Variants in CACNA2D1 observed in about 807,000 individuals in gnomAD.
CACNA2D1 encodes calcium voltage-gated channel auxiliary subunit alpha2delta 1.
In CACNA2D1, 53 loss-of-function variants were observed where a neutral mutation model predicts 171.5. The observed-to-expected ratio is 0.31, with a 90% confidence interval of 0.25 to 0.39. CACNA2D1 has a LOEUF of 0.39. Ranked by LOEUF, CACNA2D1 falls within the 10% of genes least tolerant of loss-of-function variation. The probability of loss-of-function intolerance (pLI) is 1.00; values close to 1 mark genes in which losing one functional copy is unlikely to be tolerated. For synonymous variants in CACNA2D1, 442 were observed against 443.1 expected (o/e 1.00, Z 0.03); for missense variants, 903 against 1,299.8 (o/e 0.69, Z 4.69).
At chr7:82,040,740 C>T (rs1409976705) in intron 10 of CACNA2D1, among the ~76,000 whole-genome samples, 2 of 152,026 alleles carry the variant, frequency 1.3e-5, no homozygotes, top group African/African-American at 2.4e-5. Context: ...TTTGGGAGGC[C>T]AAGACGGGTG....
intron 11 of CACNA2D1, among the ~76,000 whole-genome samples, chr7:82,034,129 A>G (rs985377951): frequency 1.3e-5 from 2 of 152,112 alleles, no homozygotes; most frequent in African/African-American, 4.8e-5. Flanking sequence ...TAAGTCTTCA[A>G]ACTTCAGTAT....
intron 1 of CACNA2D1, among the ~76,000 whole-genome samples, chr7:82,402,839 T>G (rs953670584): frequency 1.3e-5 from 2 of 151,844 alleles, no homozygotes; most frequent in African/African-American, 2.4e-5. Context: ...AAGTTACGGG[T>G]TTTTTTAAAT....
intron 3 of CACNA2D1, among the ~76,000 whole-genome samples, chr7:82,313,602 C>G (rs544390860): frequency 2.0e-5 from 3 of 152,328 alleles, no homozygotes; most frequent in Admixed American, 2.0e-4. Flanking sequence ...GCTCCTACTC[C>G]TTCCATAACC....
At chr7:82,032,035 C>G (rs1189821224) in intron 12 of CACNA2D1, among the ~76,000 whole-genome samples, 1 of 151,938 alleles carries the variant, frequency 6.6e-6, no homozygotes, top group Non-Finnish European at 1.5e-5. Flanking sequence ...AGTATTCTTA[C>G]AAAATGTGGA....
chr7:82,398,824 C>T (rs1826024721), intron 1 of CACNA2D1, among the ~76,000 whole-genome samples: 1 of 152,036 alleles, frequency 6.6e-6, no homozygotes, highest in African/African-American at 2.4e-5. Flanking sequence ...AGAGATTCTC[C>T]TGCCTCACCC....
intron 1 of CACNA2D1, among the ~76,000 whole-genome samples, chr7:82,411,895 T>TCTCACACACACACACACACACA (rs1554548045): frequency 1.9e-4 from 28 of 144,788 alleles, no homozygotes; most frequent in Admixed American, 1.6e-3. Flanking sequence ...AAACTAAATC[T>TCTCACACACACACACACACACA]CACACACACA....
intron 3 of CACNA2D1, among the ~76,000 whole-genome samples, chr7:82,291,496 TTATA>T (rs1045681311): frequency 8.1e-4 from 111 of 136,904 alleles, no homozygotes; most frequent in African/African-American, 2.6e-3. Flanking sequence ...ATATATATTT[TTATA>T]TATAGATAGA....
chr7:81,959,739 G>T lies in CACNA2D1; in HGVS notation c.3057C>A (p.Leu1019=). 1.9e-6 allele frequency: 3 copies of T among 1,612,588 alleles called. No individual in the cohort carries two copies. Among genetic ancestry groups the T allele is most frequent in the Non-Finnish European group, 2.5e-6 (3 of 1,179,160 alleles). The change falls in exon 37 of 39, where the codon CTC becomes CTA. Residue 1019 remains leucine, a synonymous_variant. Transcript: ENST00000356860. ...GGATACAAGTCTGCTCCGCTTGTAT[G>T]AGCAGTCGTGTGTCACATGGACATG... The part of the protein sequence containing the change: ...KGTCPCDTRL[L]IQAEQTSDGP...
At chr7:82,050,369 A>C (rs1158667825) in intron 10 of CACNA2D1, 6 of 534,544 alleles carry the variant, frequency 1.1e-5, no homozygotes, top group Non-Finnish European at 2.0e-5. Flanking sequence ...TACTCATAGC[A>C]ACAGAGGAGC....
chr7:82,218,341 T>C (rs1406117094), intron 3 of CACNA2D1, among the ~76,000 whole-genome samples: 1 of 152,190 alleles, frequency 6.6e-6, no homozygotes, highest in East Asian at 1.9e-4. Context: ...GCTCGCTCTC[T>C]TATTCAAGTT....
chr7:82,062,281 C>T (rs1026303964), intron 9 of CACNA2D1, among the ~76,000 whole-genome samples: 1 of 152,126 alleles, frequency 6.6e-6, no homozygotes, highest in African/African-American at 2.4e-5. Context: ...AAGGCATTTT[C>T]AATCCTCTAC....
At chr7:81,953,200 T>G (rs1161007420) in intron 38 of CACNA2D1, among the ~76,000 whole-genome samples, 7 of 152,146 alleles carry the variant, frequency 4.6e-5, no homozygotes, top group Non-Finnish European at 1.0e-4. Flanking sequence ...TTGCAAAAGC[T>G]GTCTCACTTG....
chr7:82,117,720 G>A (rs546913927), intron 5 of CACNA2D1, among the ~76,000 whole-genome samples: 18 of 152,264 alleles, frequency 1.2e-4, no homozygotes, highest in Admixed American at 2.6e-4. Flanking sequence ...GGTTAAGGCT[G>A]CAGTGAGCCA....
intron 6 of CACNA2D1, among the ~76,000 whole-genome samples, chr7:82,105,484 A>AT (rs1787645562): frequency 7.2e-6 from 1 of 138,014 alleles, no homozygotes; most frequent in Non-Finnish European, 1.5e-5. Flanking sequence ...GGAATTAATG[A>AT]TTTTCTCCTC....
At chr7:82,073,669 T>G (rs1808598081) in intron 7 of CACNA2D1, among the ~76,000 whole-genome samples, 1 of 152,156 alleles carries the variant, frequency 6.6e-6, no homozygotes, top group Admixed American at 6.5e-5. Context: ...GGTGCAACCT[T>G]GGCTCATTTG....
At chr7:82,398,307 C>T (rs187977147) in intron 1 of CACNA2D1, among the ~76,000 whole-genome samples, 1 of 152,312 alleles carries the variant, frequency 6.6e-6, no homozygotes, top group African/African-American at 2.4e-5. Flanking sequence ...TATAATTTAA[C>T]AGTCTTTGCC....
At chr7:82,370,351 A>T (rs944998701) in intron 1 of CACNA2D1, among the ~76,000 whole-genome samples, 3 of 151,908 alleles carry the variant, frequency 2.0e-5, no homozygotes, top group Admixed American at 6.5e-5. Flanking sequence ...AATCAATATA[A>T]GAACTGTAAA....
chr7:82,144,897 A>G (rs1354441898), intron 4 of CACNA2D1, among the ~76,000 whole-genome samples: 3 of 149,486 alleles, frequency 2.0e-5, no homozygotes, highest in African/African-American at 4.9e-5. Context: ...GCGTGGTTCA[A>G]TAATGTATGG....
At chr7:82,346,391 C>G (rs1819260518) in intron 2 of CACNA2D1, among the ~76,000 whole-genome samples, 1 of 152,160 alleles carries the variant, frequency 6.6e-6, no homozygotes, top group African/African-American at 2.4e-5. Flanking sequence ...TTAATCCCAA[C>G]AACTCCATGA....
Sources: gnomAD v4.1 joint callset for allele counts (sites outside exome capture counted in the v4.1 genomes callset) on GRCh38, gnomAD v4.1.1 for gene constraint, MANE v1.5 for transcripts, NCBI Gene and HGNC (gene_info 2026-07-23, HGNC 2026-07-21) for gene names.